LRRTM4: variants seen among roughly 807,000 people sequenced by gnomAD.
The protein encoded by LRRTM4 is leucine rich repeat transmembrane neuronal 4.
In LRRTM4, 25 loss-of-function variants were observed where a neutral mutation model predicts 47.6. That is an observed-to-expected ratio of 0.53 (90% CI 0.38 to 0.73). The LOEUF (loss-of-function observed/expected upper bound fraction) is 0.73, where lower values mean the gene tolerates loss of function less well. LRRTM4 is among the 30% of genes least tolerant of loss of function. LRRTM4 has a pLI of 0.00. For missense variants in LRRTM4, 638 were observed against 713.4 expected (o/e 0.89, Z 1.20); for synonymous variants, 311 against 269.5 (o/e 1.15, Z -1.51).
At position 76,858,204 on chromosome 2, in the gene LRRTM4, G is replaced by C. The variant is rs571920090; in HGVS notation, c.1552-109288C>G. Among the ~76,000 whole-genome samples the C allele has an allele frequency of 9.9e-5, 15 of 152,262 alleles. No homozygotes were observed. In the East Asian group the frequency reaches 2.3e-3, roughly 24 times the overall value. On this transcript the variant is annotated intron_variant, in intron 3 of 3. Coordinates refer to ENST00000409884, the MANE Select transcript of LRRTM4 (RefSeq NM_001134745.3). The stretch of plus-strand genomic sequence containing the variant: ...TTGGATGAGAATAACAATTCAATCT[G>C]TAAACAGAGTAAAGCAGGCTACCCT...
At chr2:76,786,792 A>G (rs1674697221) in intron 3 of LRRTM4, among the ~76,000 whole-genome samples, 2 of 152,292 alleles carry the variant, frequency 1.3e-5, no homozygotes, top group East Asian at 3.9e-4. Context: ...TTGACAAACC[A>G]AAAATAGTTC....
chr2:77,443,812 C>G (rs1458632996), intron 3 of LRRTM4, among the ~76,000 whole-genome samples: 1 of 152,050 alleles, frequency 6.6e-6, no homozygotes, highest in Admixed American at 6.6e-5. Context: ...TGATTAGTTT[C>G]TAAGTTAAAT....
chr2:76,773,018 C>T (rs1391426790), intron 3 of LRRTM4: 2 of 152,156 alleles, frequency 1.3e-5, no homozygotes, highest in East Asian at 1.9e-4. Flanking sequence ...TCTATGGTTT[C>T]ATTCACGAAT....
At chr2:76,751,735 G>C (rs868444307) in intron 3 of LRRTM4, among the ~76,000 whole-genome samples, 5 of 152,082 alleles carry the variant, frequency 3.3e-5, no homozygotes, top group South Asian at 2.1e-4. Flanking sequence ...TCAGATTCCT[G>C]GAGATATGTG....
Position 76,961,306 on chromosome 2 carries a change from G to C in LRRTM4, c.1552-212390C>G, listed in dbSNP as rs151337383. Among the ~76,000 whole-genome samples, 865 of 151,322 alleles carry C rather than the reference G, an allele frequency of 5.7e-3. 5 individuals carry two copies. The highest frequency in any genetic ancestry group is 0.024 in the Middle Eastern group (7 of 292). On this transcript the variant is annotated intron_variant, in intron 3 of 3. Transcript: ENST00000409884. The stretch of plus-strand genomic sequence containing the variant: ...TGATTTGTCCATATCATCGTTTTCT[G>C]AGTCTTATAATTCCCAACTGTTACA...
chr2:77,093,208 C>G lies in LRRTM4; in HGVS notation c.1552-344292G>C, dbSNP rs369736518. ...GGTTTACACTGTTTTTCCAAGCCATCACAGCTGATATCTCCTGGGGCTATC... is the reference window on the plus strand; with the variant it reads ...GGTTTACACTGTTTTTCCAAGCCATGACAGCTGATATCTCCTGGGGCTATC... On this transcript the variant is annotated intron_variant, in intron 3 of 3. Transcript: ENST00000409884. Among the ~76,000 whole-genome samples, 229 of 148,892 alleles carry G rather than the reference C, an allele frequency of 1.5e-3. 3 individuals are homozygous for G. The East Asian group carries it at 0.043, about 28-fold the overall frequency.
chr2:77,443,714 T>C (rs1675935641), intron 3 of LRRTM4, among the ~76,000 whole-genome samples: 1 of 152,118 alleles, frequency 6.6e-6, no homozygotes, highest in African/African-American at 2.4e-5. Flanking sequence ...ATATAAACAT[T>C]GTTCAGAACC....
At chr2:77,230,247 A>G (rs529022024) in intron 3 of LRRTM4, among the ~76,000 whole-genome samples, 102 of 152,282 alleles carry the variant, frequency 6.7e-4, no homozygotes, top group African/African-American at 2.4e-3. Flanking sequence ...TAATTATTCA[A>G]TGCTAGTAAA....
intron 3 of LRRTM4, among the ~76,000 whole-genome samples, chr2:77,330,504 A>G (rs2104249184): frequency 6.6e-6 from 1 of 152,336 alleles, no homozygotes; most frequent in South Asian, 2.1e-4. Flanking sequence ...TAAAAAAATA[A>G]TAAGCTGATA....
chr2:77,318,152 G>A (rs183370757), intron 3 of LRRTM4, among the ~76,000 whole-genome samples: 80 of 151,602 alleles, frequency 5.3e-4, no homozygotes, highest in Admixed American at 1.3e-3. Flanking sequence ...GACTACAGGC[G>A]CCCGCCACCA....
intron 3 of LRRTM4, among the ~76,000 whole-genome samples, chr2:76,983,149 T>G (rs559962642): frequency 1.3e-5 from 2 of 152,040 alleles, no homozygotes; most frequent in Non-Finnish European, 2.9e-5. Flanking sequence ...TTTTTGCCAG[T>G]GTAGAGAAAG....
chr2:77,503,955 CAT>C lies in LRRTM4; in HGVS notation c.1551+14361_1551+14362del, dbSNP rs920684950. Among the ~76,000 whole-genome samples the C allele has an allele frequency of 1.4e-4, 21 of 151,696 alleles. 1 individual carries two copies. Among genetic ancestry groups the C allele is most frequent in the African/African-American group, 4.8e-4 (20 of 41,480 alleles). On this transcript the variant is annotated intron_variant, in intron 3 of 3. Transcript: ENST00000409884. Reference sequence around the variant, plus strand: ...GATGGCATAGTGGGCTCTAATGACACATGATAGTAGGTTGAAGAACTTAGCAA... The same window carrying C: ...GATGGCATAGTGGGCTCTAATGACACGATAGTAGGTTGAAGAACTTAGCAA...
chr2:77,125,902 G>A lies in LRRTM4; in HGVS notation c.1552-376986C>T, dbSNP rs1000773764. 2.3e-4 allele frequency among the ~76,000 whole-genome samples: 24 copies of A among 104,312 alleles called. 1 individual carries two copies. The highest frequency in any genetic ancestry group is 3.0e-4 in the South Asian group (1 of 3,286). 68.4% of individuals were successfully genotyped at this position (104,312 alleles called of 152,430 possible). On this transcript the variant is annotated intron_variant, in intron 3 of 3. Transcript: ENST00000409884. ...TGCACATATGTGTAAATATATATGC[G>A]TTGAATATATATATATATATATACT...
chr2:77,003,883 G>A (rs1368528155), intron 3 of LRRTM4, among the ~76,000 whole-genome samples: 2 of 152,168 alleles, frequency 1.3e-5, no homozygotes, highest in Non-Finnish European at 2.9e-5. Context: ...AGCTAATAGT[G>A]TTATGAACAA....
At chr2:76,883,116 A>T (rs1280856563) in intron 3 of LRRTM4, among the ~76,000 whole-genome samples, 2 of 152,056 alleles carry the variant, frequency 1.3e-5, no homozygotes, top group Non-Finnish European at 2.9e-5. Flanking sequence ...GTGGCTATGT[A>T]TCCAGGTCTG....
At chr2:76,946,828 TATC>T (rs1675337741) in intron 3 of LRRTM4, among the ~76,000 whole-genome samples, 1 of 151,898 alleles carries the variant, frequency 6.6e-6, no homozygotes, top group African/African-American at 2.4e-5. Context: ...ATTGAATTAT[TATC>T]ATTTGAAGCA....
chr2:76,844,299 T>A (rs1350141439), intron 3 of LRRTM4, among the ~76,000 whole-genome samples: 1 of 151,844 alleles, frequency 6.6e-6, no homozygotes, highest in Non-Finnish European at 1.5e-5. Context: ...CACGCCCGGC[T>A]AATTTTTTTG....
At chr2:76,760,302 C>G (rs1054119980) in intron 3 of LRRTM4, among the ~76,000 whole-genome samples, 1 of 152,076 alleles carries the variant, frequency 6.6e-6, no homozygotes, top group South Asian at 2.1e-4. Flanking sequence ...CTGTCCATAA[C>G]CTTAAGGAAC....
chr2:76,812,912 G>A (rs893101755), intron 3 of LRRTM4, among the ~76,000 whole-genome samples: 1 of 151,220 alleles, frequency 6.6e-6, no homozygotes, highest in Non-Finnish European at 1.5e-5. Flanking sequence ...CATTGAAATA[G>A]GATTTTTCCA....
Sources: allele counts gnomAD v4.1 joint callset (sites outside exome capture counted in the v4.1 genomes callset), GRCh38; gene constraint gnomAD v4.1.1; transcripts MANE v1.5; gene names NCBI Gene and HGNC (gene_info 2026-07-23, HGNC 2026-07-21).